ELAVL3: variants seen among roughly 807,000 people sequenced by gnomAD.
ELAVL3 encodes the protein ELAV like RNA binding protein 3, also known as ELAV-like protein 3.
A neutral mutation model predicts 34.2 loss-of-function variants in ELAVL3; 8 were observed. That is an observed-to-expected ratio of 0.23 (90% CI 0.14 to 0.42). The LOEUF (loss-of-function observed/expected upper bound fraction) is 0.42, where lower values mean the gene tolerates loss of function less well. ELAVL3 is among the 10% of genes least tolerant of loss of function. ELAVL3 has a pLI of 1.00. For missense variants in ELAVL3, 273 were observed against 518.8 expected, an observed-to-expected ratio of 0.53 and a Z score of 4.60; for synonymous variants, 209 against 222.1, an observed-to-expected ratio of 0.94 and a Z score of 0.53.
chr19:11,478,548 A>G (rs989925050), intron 1 of ELAVL3, among the ~76,000 whole-genome samples: 1 of 151,982 alleles, frequency 6.6e-6, no homozygotes, highest in Non-Finnish European at 1.5e-5. Context: ...CAGATAAAAG[A>G]TGGAGGGTTA....
Position 11,453,086 on chromosome 19 carries a change from G to C in ELAVL3, c.*1440C>G, listed in dbSNP as rs1484903431. The C allele has an allele frequency of 1.3e-5, 2 of 152,058 alleles. No individual in the cohort carries two copies. Among genetic ancestry groups the C allele is most frequent in the Non-Finnish European group, 2.9e-5 (2 of 68,018 alleles). The allele number at this position is 152,058 out of a possible 1,614,324, so 9.4% of individuals were successfully genotyped here. On this transcript the variant is annotated 3_prime_UTR_variant, in exon 7 of 7. Transcript: ENST00000359227. ...CTGCCGGGGAGGCCCAGTCCTGGTG[G>C]GGGAGGCTCAGGGCTGGGCCTCTCC...
chr19:11,480,496 T>A lies in ELAVL3; in HGVS notation c.9+104A>T. On this transcript the variant is annotated intron_variant, in intron 1 of 6. Transcript: ENST00000359227. The surrounding 1 kb of genome is among the most constrained non-coding windows in gnomAD (Gnocchi z 6.8). ...CCTACCCCCCCAACCCGGGCCTAGC[T>A]AGGCCTGGTCCTACCCCCCCCGCCG... The A allele has an allele frequency of 3.0e-6, 3 of 991,342 alleles. No individual in the cohort carries two copies. The highest frequency in any genetic ancestry group is 4.2e-6 in the Non-Finnish European group (3 of 720,884). 61.4% of individuals were successfully genotyped at this position (991,342 alleles called of 1,614,324 possible).
At position 11,458,677 on chromosome 19, in the gene ELAVL3, G is replaced by C; in HGVS notation, c.334-66C>G. On this transcript the variant is annotated intron_variant, in intron 3 of 6. Transcript: ENST00000359227. This position sits in a 1 kb window ranked among gnomAD's most constrained non-coding sequence, Gnocchi z 7.3. ...CCATTTCACAGATGGAGAGAGTGAG[G>C]CCATGTCTAAACCATCACGGAGTTA... 6.3e-7 allele frequency: 1 copy of C among 1,584,134 alleles called. No individual in the cohort carries two copies. Among genetic ancestry groups the C allele is most frequent in the Non-Finnish European group, 8.6e-7 (1 of 1,163,260 alleles).
At chr19:11,464,167 A>ATATATT (rs1319720810) in intron 3 of ELAVL3, among the ~76,000 whole-genome samples, 79 of 103,830 alleles carry the variant, frequency 7.6e-4, no homozygotes, top group African/African-American at 3.3e-3. Context: ...ATATATATAT[A>ATATATT]TTTTTTTTTT....
chr19:11,480,689 C>A lies in ELAVL3; in HGVS notation c.-81G>T. The A allele has an allele frequency of 1.5e-6, 2 of 1,297,510 alleles. No homozygotes were observed. The highest frequency in any genetic ancestry group is 2.0e-6 in the Non-Finnish European group (2 of 997,020). 80.4% of individuals were successfully genotyped at this position (1,297,510 alleles called of 1,614,324 possible). On this transcript the variant is annotated 5_prime_UTR_variant, in exon 1 of 7. Transcript: ENST00000359227. The surrounding 1 kb of genome is among the most constrained non-coding windows in gnomAD (Gnocchi z 6.8). ...CTCCTAGGGGGGCGCCCGATGCTCA[C>A]GCTGGGGTCCCGCCCGGGCGGCCTC...
At chr19:11,469,718 G>T (rs998403165) in intron 1 of ELAVL3, among the ~76,000 whole-genome samples, 2 of 152,126 alleles carry the variant, frequency 1.3e-5, no homozygotes, top group Non-Finnish European at 2.9e-5. Flanking sequence ...TTACATATAT[G>T]TTGAGGAGGA....
chr19:11,455,946 A>C (rs1448993388), intron 6 of ELAVL3, among the ~76,000 whole-genome samples: 1 of 152,100 alleles, frequency 6.6e-6, no homozygotes, highest in South Asian at 2.1e-4. Flanking sequence ...GGCCTGAACC[A>C]TTCAATCCTG....
intron 1 of ELAVL3, among the ~76,000 whole-genome samples, chr19:11,474,969 C>T (rs1449893228): frequency 1.3e-5 from 2 of 152,222 alleles, no homozygotes; most frequent in African/African-American, 2.4e-5. Context: ...GCTGGGACTA[C>T]AGGCACCCAC....
At chr19:11,473,233 C>T (rs530841314) in intron 1 of ELAVL3, among the ~76,000 whole-genome samples, 9 of 150,654 alleles carry the variant, frequency 6.0e-5, no homozygotes, top group Non-Finnish European at 1.3e-4. Flanking sequence ...GGCATGGTGG[C>T]GGGCGCCTGT....
rs544034506 is a variant in ELAVL3, at chr19:11,469,147, C to T, written c.10-2320G>A. Among the ~76,000 whole-genome samples, 27 of 152,194 alleles carry T rather than the reference C, an allele frequency of 1.8e-4. No individual in the cohort carries two copies. The South Asian group carries it at 5.6e-3, about 32-fold the overall frequency. ...TTTGGCATATTGCCCAGGCTGGTCT[C>T]GAACTCCTGGGCTCAAGCAATCCTC... On this transcript the variant is annotated intron_variant, in intron 1 of 6. Transcript: ENST00000359227.
chr19:11,464,167 A>ATTTTTTT (rs1236599277), intron 3 of ELAVL3, among the ~76,000 whole-genome samples: 2 of 103,850 alleles, frequency 1.9e-5, no homozygotes, highest in African/African-American at 8.7e-5. Flanking sequence ...ATATATATAT[A>ATTTTTTT]TTTTTTTTTT....
In ELAVL3 at chr19:11,480,691, C is replaced by T; in HGVS notation, c.-83G>A. On this transcript the variant is annotated 5_prime_UTR_variant, in exon 1 of 7. Transcript: ENST00000359227. This position sits in a 1 kb window ranked among gnomAD's most constrained non-coding sequence, Gnocchi z 6.8. ...CCTAGGGGGGCGCCCGATGCTCACGCTGGGGTCCCGCCCGGGCGGCCTCTG... is the reference window on the plus strand; with the variant it reads ...CCTAGGGGGGCGCCCGATGCTCACGTTGGGGTCCCGCCCGGGCGGCCTCTG... 1 of 1,298,138 alleles carries T rather than the reference C, an allele frequency of 7.7e-7. No individual in the cohort carries two copies. Among genetic ancestry groups the T allele is most frequent in the Non-Finnish European group, 1.0e-6 (1 of 997,364 alleles). 80.4% of individuals were successfully genotyped at this position (1,298,138 alleles called of 1,614,324 possible).
Position 11,454,271 on chromosome 19 carries a change from G to C in ELAVL3, c.*255C>G. 4.1e-6 allele frequency: 2 copies of C among 484,722 alleles called. No homozygotes were observed. The highest frequency in any genetic ancestry group is 7.3e-6 in the Non-Finnish European group (2 of 273,462). 30.0% of individuals were successfully genotyped at this position (484,722 alleles called of 1,614,324 possible). On this transcript the variant is annotated 3_prime_UTR_variant, in exon 7 of 7. Transcript: ENST00000359227. The surrounding 1 kb of genome is among the most constrained non-coding windows in gnomAD (Gnocchi z 9.2). ...CCTTCACCATGAACCAAACCAAGACGAGAGAGTGAACAGCCCAGCCTGGGG... is the reference window on the plus strand; with the variant it reads ...CCTTCACCATGAACCAAACCAAGACCAGAGAGTGAACAGCCCAGCCTGGGG...
intron 6 of ELAVL3, among the ~76,000 whole-genome samples, chr19:11,455,468 A>T (rs1447309037): frequency 6.6e-6 from 1 of 151,568 alleles, no homozygotes; most frequent in African/African-American, 2.4e-5. Context: ...TGTATTTTTA[A>T]TAGAGATGGG....
chr19:11,459,125 TTC>T (rs1285477180), intron 3 of ELAVL3, among the ~76,000 whole-genome samples: 5 of 144,548 alleles, frequency 3.5e-5, no homozygotes, highest in African/African-American at 1.4e-4. Flanking sequence ...CATTTTTTTT[TTC>T]TTTTTTTTTT....
chr19:11,475,434 A>G (rs1599551149), intron 1 of ELAVL3, among the ~76,000 whole-genome samples: 1 of 152,154 alleles, frequency 6.6e-6, no homozygotes, highest in Middle Eastern at 3.4e-3. Flanking sequence ...CCTCCCCAGT[A>G]GCTAGGACTA....
chr19:11,451,954 C>A lies in ELAVL3; in HGVS notation c.*2572G>T, dbSNP rs1383829605. 6.6e-6 allele frequency: 1 copy of A among 152,104 alleles called. No homozygotes were observed. The allele number at this position is 152,104 out of a possible 1,614,324, so 9.4% of individuals were successfully genotyped here. A position where few individuals can be genotyped will look rare whatever the true frequency, so the allele number is the denominator to read the frequency against. ...AATGCAGAGGGCGGAGGGGAGAGAG[C>A]CCCAAGAGACAGCAGGGGAGAGGGG... On this transcript the variant is annotated 3_prime_UTR_variant, in exon 7 of 7. Coordinates refer to ENST00000359227, the MANE Select transcript of ELAVL3 (RefSeq NM_001420.4).
In ELAVL3 at chr19:11,462,068, G is replaced by T. The variant is rs568937875; in HGVS notation, c.334-3457C>A. On this transcript the variant is annotated intron_variant, in intron 3 of 6. Transcript: ENST00000359227. ...CGGGTGCCTGTAATCCCAGCTACTC[G>T]GGAGGCTGAGGCAGGAGAATGGCGT... Among the ~76,000 whole-genome samples, 19 of 150,648 alleles carry T rather than the reference G, an allele frequency of 1.3e-4. No homozygotes were observed. The South Asian group carries it at 3.8e-3, about 30-fold the overall frequency.
intron 3 of ELAVL3, among the ~76,000 whole-genome samples, chr19:11,465,734 T>A (rs1181738852): frequency 6.6e-6 from 1 of 151,854 alleles, no homozygotes; most frequent in African/African-American, 2.4e-5. Flanking sequence ...CTGCAGCTGC[T>A]GAGAAGGGAG....
Sources: gnomAD v4.1 joint callset for allele counts (sites outside exome capture counted in the v4.1 genomes callset) on GRCh38, gnomAD v4.1.1 for gene constraint, Gnocchi (gnomAD v3.1) non-coding constraint, MANE v1.5 for transcripts, NCBI Gene and HGNC (gene_info 2026-07-23, HGNC 2026-07-21) for gene names.